GRIK1: variants seen among roughly 807,000 people sequenced by gnomAD.
GRIK1 encodes glutamate receptor ionotropic, kainate 1.
A neutral mutation model predicts 105.7 loss-of-function variants in GRIK1; 69 were observed. The observed-to-expected ratio is 0.65, with a 90% CI of 0.54 to 0.80. The LOEUF is 0.80. Among genes scored for constraint, GRIK1 ranks in the 30% least tolerant of loss-of-function variants. The pLI is 0.00. For synonymous variants in GRIK1, 438 were observed against 431.3 expected (o/e 1.02, Z -0.19); for missense variants, 1,109 against 1,167.3 (o/e 0.95, Z 0.73).
intron 1 of GRIK1, among the ~76,000 whole-genome samples, chr21:29,929,878 C>T (rs1193612154): frequency 2.0e-5 from 3 of 152,104 alleles, no homozygotes; most frequent in Non-Finnish European, 4.4e-5. Flanking sequence ...AGTTCATTGC[C>T]ACGTTATCCA....
chr21:29,769,050 T>A (rs915495754), intron 1 of GRIK1, among the ~76,000 whole-genome samples: 1 of 152,238 alleles, frequency 6.6e-6, no homozygotes, highest in Non-Finnish European at 1.5e-5. Flanking sequence ...ATGATTATTA[T>A]ATTTGCTAGA....
intron 1 of GRIK1, among the ~76,000 whole-genome samples, chr21:29,836,774 A>G (rs894097704): frequency 1.3e-5 from 2 of 152,194 alleles, no homozygotes; most frequent in African/African-American, 4.8e-5. Context: ...TACCTTTCTT[A>G]ATGCTAAAAA....
intron 13 of GRIK1, among the ~76,000 whole-genome samples, chr21:29,578,849 C>T (rs1438791494): frequency 6.6e-6 from 1 of 151,982 alleles, no homozygotes; most frequent in Non-Finnish European, 1.5e-5. Flanking sequence ...ATTATTTTAG[C>T]TCTTTAGTTG....
intron 15 of GRIK1, among the ~76,000 whole-genome samples, chr21:29,560,564 CTT>C (rs1286080950): frequency 9.9e-6 from 1 of 100,844 alleles, no homozygotes; most frequent in African/African-American, 4.1e-5. Flanking sequence ...TTCTTTCTTT[CTT>C]TCTTTCTTTC....
intron 7 of GRIK1, among the ~76,000 whole-genome samples, chr21:29,631,043 A>G (rs1236545218): frequency 6.6e-6 from 1 of 152,048 alleles, no homozygotes; most frequent in Non-Finnish European, 1.5e-5. Context: ...CCTGAACTCA[A>G]GTGATCTGAC....
chr21:29,554,759 C>T (rs977771604), intron 16 of GRIK1, among the ~76,000 whole-genome samples: 11 of 152,086 alleles, frequency 7.2e-5, no homozygotes, highest in Admixed American at 2.6e-4. Context: ...TTCTATCTTA[C>T]GAGCAAACAA....
In GRIK1 at chr21:29,785,097, T is replaced by G. The variant is rs572420688; in HGVS notation, c.119-91034A>C. On this transcript the variant is annotated intron_variant, in intron 1 of 17. Transcript: ENST00000327783. The stretch of plus-strand genomic sequence containing the variant: ...GAAATGGTTCCCTCCAATACCTAGT[T>G]TTTCTGGTGCATTTTAAAATGTGTG... Among the ~76,000 whole-genome samples the G allele has an allele frequency of 1.1e-3, 171 of 152,348 alleles. 1 individual carries two copies. Among genetic ancestry groups the G allele is most frequent in the African/African-American group, 3.8e-3 (157 of 41,582 alleles).
At position 29,537,049 on chromosome 21, in the gene GRIK1, G is replaced by A; in HGVS notation, c.*181C>T. On this transcript the variant is annotated 3_prime_UTR_variant, in exon 18 of 18. Coordinates refer to ENST00000327783, the MANE Select transcript of GRIK1 (RefSeq NM_001330994.2). ...ATACAAATTTATTTTAAAAGAACTG[G>A]TGTCACTTCCCAAGTCATATCTATG... 1 of 388,456 alleles carries A rather than the reference G, an allele frequency of 2.6e-6. No individual in the cohort carries two copies. The highest frequency in any genetic ancestry group is 4.6e-6 in the Non-Finnish European group (1 of 217,108). The allele number at this position is 388,456 out of a possible 1,614,324, so 24.1% of individuals were successfully genotyped here. A position where few individuals can be genotyped will look rare whatever the true frequency, so the allele number is the denominator to read the frequency against.
intron 1 of GRIK1, among the ~76,000 whole-genome samples, chr21:29,741,176 C>T (rs1483879717): frequency 6.6e-6 from 1 of 152,182 alleles, no homozygotes; most frequent in East Asian, 1.9e-4. Context: ...AGACAATTTG[C>T]AACCTTTTAA....
At chr21:29,719,501 T>G (rs2064267041) in intron 1 of GRIK1, among the ~76,000 whole-genome samples, 1 of 152,118 alleles carries the variant, frequency 6.6e-6, no homozygotes, top group Non-Finnish European at 1.5e-5. Context: ...TCTGTAAAAT[T>G]AGGGCTAAAT....
intron 14 of GRIK1, among the ~76,000 whole-genome samples, chr21:29,565,768 A>T (rs1221503075): frequency 1.3e-5 from 2 of 152,192 alleles, no homozygotes; most frequent in African/African-American, 4.8e-5. Flanking sequence ...GGCAACTGCA[A>T]GGAGTATGTC....
intron 1 of GRIK1, among the ~76,000 whole-genome samples, chr21:29,705,295 T>C (rs990449950): frequency 7.2e-5 from 11 of 152,202 alleles, no homozygotes; most frequent in Admixed American, 2.0e-4. Flanking sequence ...ATCTTATACA[T>C]AGAGAGTTTA....
intron 1 of GRIK1, among the ~76,000 whole-genome samples, chr21:29,772,951 T>G (rs556066549): frequency 9.2e-5 from 14 of 152,268 alleles, no homozygotes; most frequent in Admixed American, 2.6e-4. Context: ...ATTGGAAAAT[T>G]TTTTAACCTG....
chr21:29,670,190 A>T (rs955115614), intron 4 of GRIK1, among the ~76,000 whole-genome samples: 2 of 152,220 alleles, frequency 1.3e-5, no homozygotes, highest in Non-Finnish European at 2.9e-5. Context: ...CGAAAACTGG[A>T]TAAGCCATCT....
chr21:29,765,851 ATTC>A (rs1158986201), intron 1 of GRIK1, among the ~76,000 whole-genome samples: 4 of 148,390 alleles, frequency 2.7e-5, no homozygotes, highest in South Asian at 4.3e-4. Context: ...ATCTAAGAAA[ATTC>A]TTCTTTTTTT....
intron 1 of GRIK1, among the ~76,000 whole-genome samples, chr21:29,824,657 A>T (rs1443438985): frequency 2.6e-5 from 4 of 152,058 alleles, no homozygotes; most frequent in Non-Finnish European, 4.4e-5. Context: ...AACTGCAAGT[A>T]AGTTGAAAAG....
At chr21:29,564,209 G>A (rs2090555467) in intron 14 of GRIK1, among the ~76,000 whole-genome samples, 1 of 151,736 alleles carries the variant, frequency 6.6e-6, no homozygotes, top group African/African-American at 2.4e-5. Context: ...GTGCAGTGGC[G>A]CAATCTCGGC....
Position 29,929,321 on chromosome 21 carries a change from TCTTATC to T in GRIK1, c.118+10056_118+10061del, listed in dbSNP as rs1358964891. ...CTTTAATAATCGAGAATCTACAAAA[TCTTATC>T]CTTAACTAATCGTTGTTAAACTGGA... On this transcript the variant is annotated intron_variant, in intron 1 of 17. Coordinates refer to ENST00000327783, the MANE Select transcript of GRIK1 (RefSeq NM_001330994.2). Among the ~76,000 whole-genome samples, 4 of 152,254 alleles carry T rather than the reference TCTTATC, an allele frequency of 2.6e-5. No homozygotes were observed. In the East Asian group the frequency reaches 7.7e-4, roughly 29 times the overall value.
chr21:29,643,910 GCACACA>G (rs36010792), intron 6 of GRIK1, among the ~76,000 whole-genome samples: 8 of 149,672 alleles, frequency 5.3e-5, no homozygotes, highest in African/African-American at 2.0e-4. Flanking sequence ...GCACACACAT[GCACACA>G]CACACACACA....
Sources: gnomAD v4.1 joint callset for allele counts (sites outside exome capture counted in the v4.1 genomes callset) on GRCh38, gnomAD v4.1.1 for gene constraint, MANE v1.5 for transcripts, NCBI Gene and HGNC (gene_info 2026-07-23, HGNC 2026-07-21) for gene names.